The following TMEM134 variants were observed in gnomAD, a reference collection of about 807,000 sequenced individuals.
The protein encoded by TMEM134 is transmembrane protein 134.
TMEM134 carries 36 observed loss-of-function variants against 26.2 expected under a neutral mutation model. The observed-to-expected ratio is 1.37, with a 90% confidence interval of 1.05 to 1.81. TMEM134 has a LOEUF of 1.81. Ranked by LOEUF, TMEM134 falls within the 40% of genes most tolerant of loss-of-function variation. The pLI is 0.00. For synonymous variants in TMEM134, 133 were observed against 113.6 expected, an observed-to-expected ratio of 1.17 and a Z score of -1.08; for missense variants, 339 against 263.5, an observed-to-expected ratio of 1.29 and a Z score of -1.98.
At position 67,467,552 on chromosome 11, in the gene TMEM134, G is replaced by A. The variant is rs746424348; in HGVS notation, c.278C>T (p.Ser93Phe). Residue 93 changes from serine (S) to phenylalanine (F), a missense_variant, in exon 3 of 7, where the codon TCC (serine) becomes TTC (phenylalanine). Coordinates refer to ENST00000308022, the MANE Select transcript of TMEM134 (RefSeq NM_025124.4). ...SRTSIRSSQW[S>F]FSTISSSTQR... ...GGTGCTGCTGCTGATGGTGCTGAAG[G>A]ACCACTGGGAGCTGCGGATGGAAGT... 4 of 1,614,002 alleles carry A rather than the reference G, an allele frequency of 2.5e-6. No homozygotes were observed. In the Admixed American group the frequency reaches 5.0e-5, roughly 20 times the overall value.
At chr11:67,467,197 C>T in intron 4 of TMEM134, 115 bp downstream of exon 4, 1 of 962,650 alleles carries the variant, frequency 1.0e-6, no homozygotes, top group Non-Finnish European at 1.6e-6. Context: ...TGGCAGCCAG[C>T]TGCCTCCTCA....
At chr11:67,467,923 A>G (rs1311581645) in intron 2 of TMEM134, 105 bp downstream of exon 2, 7 of 1,081,696 alleles carry the variant, frequency 6.5e-6, no homozygotes, top group Non-Finnish European at 6.8e-6. Flanking sequence ...AATCAATAGG[A>G]CGGGATGGAA....
rs2134236144 is a variant in TMEM134, at chr11:67,468,700, G to T, written c.174+319C>A. Among the ~76,000 whole-genome samples, 3 of 152,306 alleles carry T rather than the reference G, an allele frequency of 2.0e-5. No individual in the cohort carries two copies. In the South Asian group the frequency reaches 6.2e-4, roughly 32 times the overall value. On this transcript the variant is annotated intron_variant, in intron 1 of 6. Coordinates refer to ENST00000308022, the MANE Select transcript of TMEM134 (RefSeq NM_025124.4). Reference sequence around the variant, plus strand: ...GGCAAGGTCTGGTTCAGATACAGAGGAGCTCCCCCAACCCAGCGGGGGCCA... The same window carrying T: ...GGCAAGGTCTGGTTCAGATACAGAGTAGCTCCCCCAACCCAGCGGGGGCCA...
rs1283054528 is a variant in TMEM134 at position 67,464,627 on chromosome 11, T to G, written c.575A>C (p.Tyr192Ser). ...GCTGCGCCGCGATCACTTCTCGAAGTAGGGCAGGTAGAAGAACTGGAAGCC... is the reference window on the plus strand; with the variant it reads ...GCTGCGCCGCGATCACTTCTCGAAGGAGGGCAGGTAGAAGAACTGGAAGCC... ...HRGFQFFYLP[Y>S]FEK is the part of the protein sequence containing the mutation. The change falls in exon 7 of 7, where the codon TAC (tyrosine) becomes TCC (serine). Residue 192 changes from tyrosine to serine, a missense_variant. Physicochemically the swap from Tyr to Ser is moderately radical, Grantham distance 144. Transcript: ENST00000308022. 7.1e-6 allele frequency: 11 copies of G among 1,552,526 alleles called. No homozygotes were observed. The highest frequency in any genetic ancestry group is 9.6e-6 in the Non-Finnish European group (11 of 1,147,396).
At chr11:67,467,727 C>T (rs1401878345) in intron 2 of TMEM134, 137 bp from the exon 3 acceptor site, 20 of 822,180 alleles carry the variant, frequency 2.4e-5, no homozygotes, top group African/African-American at 5.1e-5. Context: ...TGAGAGGCCT[C>T]GGTGGGTGAG....
At position 67,469,029 on chromosome 11, in the gene TMEM134, A is replaced by C. The variant is rs2134237270; in HGVS notation, c.164T>G (p.Leu55Arg). The C allele has an allele frequency of 6.6e-7, 1 of 1,510,110 alleles. No individual in the cohort carries two copies. Among genetic ancestry groups the C allele is most frequent in the South Asian group, 1.2e-5 (1 of 82,124 alleles). 93.5% of individuals were successfully genotyped at this position (1,510,110 alleles called of 1,614,324 possible). Residue 55 changes from leucine to arginine, a missense_variant, in exon 1 of 7, where the codon CTG (leucine) becomes CGG (arginine). Leu to Arg is a moderately radical substitution (Grantham distance 102). Transcript: ENST00000308022. ...GGCCGGGCGGTTCACCTGGTAGCGCAGCCGGGACTGCTTGTCCTCGTCAGC... is the reference window on the plus strand; with the variant it reads ...GGCCGGGCGGTTCACCTGGTAGCGCCGCCGGGACTGCTTGTCCTCGTCAGC... ...EVADEDKQSR[L>R]RYQNLENDED...
chr11:67,462,300 A>G lies in TMEM134; in HGVS notation c.*2314T>C, dbSNP rs1865041162. 1 of 148,922 alleles carries G rather than the reference A, an allele frequency of 6.7e-6. No homozygotes were observed. The highest frequency in any genetic ancestry group is 2.1e-4 in the South Asian group (1 of 4,768). 9.2% of individuals were successfully genotyped at this position (148,922 alleles called of 1,614,324 possible). A position where few individuals can be genotyped will look rare whatever the true frequency, so the allele number is the denominator to read the frequency against. On this transcript the variant is annotated 3_prime_UTR_variant, in exon 7 of 7. Coordinates refer to ENST00000308022, the MANE Select transcript of TMEM134 (RefSeq NM_025124.4). Reference sequence around the variant, plus strand: ...TCCTATGTTTGTTCTGATTATATTTATTGAAATGTAATTTTATGTCTAATT... The same window carrying G: ...TCCTATGTTTGTTCTGATTATATTTGTTGAAATGTAATTTTATGTCTAATT...
intron 1 of TMEM134, 99 bp downstream of exon 1, chr11:67,468,920 G>C: frequency 1.7e-6 from 2 of 1,208,244 alleles, no homozygotes; most frequent in Non-Finnish European, 2.1e-6. Context: ...CTTCAGCTGG[G>C]GCCTCTAGGC....
Position 67,463,110 on chromosome 11 carries a change from A to C in TMEM134, c.*1504T>G, listed in dbSNP as rs1449802333. 1 of 152,188 alleles carries C rather than the reference A, an allele frequency of 6.6e-6. No homozygotes were observed. The highest frequency in any genetic ancestry group is 6.6e-5 in the Admixed American group (1 of 15,266). 9.4% of individuals were successfully genotyped at this position (152,188 alleles called of 1,614,324 possible). ...TCCTGCATCCAATGGGTGCCCCCTA[A>C]GTGCCTTGAATGGGGGATGAGGGTG... On this transcript the variant is annotated 3_prime_UTR_variant, in exon 7 of 7. Transcript: ENST00000308022.
Position 67,465,040 on chromosome 11 carries a change from C to A in TMEM134, c.451+16G>T, listed in dbSNP as rs763483429. On this transcript the variant is annotated intron_variant, in intron 5 of 6. Transcript: ENST00000308022. ...CAGGGGTGTCCTCTGCCTGTGGGGG[C>A]GGGAGGGTCGCTCACCTGGAGAGGG... is the stretch of plus-strand genomic sequence containing the variant. 3.2e-6 allele frequency: 5 copies of A among 1,563,758 alleles called. No homozygotes were observed. The highest frequency in any genetic ancestry group is 4.3e-6 in the Non-Finnish European group (5 of 1,156,420).
intron 4 of TMEM134, chr11:67,466,354 T>C (rs769080731): frequency 2.6e-5 from 4 of 151,968 alleles, no homozygotes; most frequent in Admixed American, 2.6e-4. Context: ...CCTCAAAAAA[T>C]AAATAAATAA....
Position 67,469,151 on chromosome 11 carries a change from G to C in TMEM134, c.42C>G (p.Phe14Leu). 6.8e-7 allele frequency: 1 copy of C among 1,469,280 alleles called. No individual in the cohort carries two copies. Among genetic ancestry groups the C allele is most frequent in the Non-Finnish European group, 9.0e-7 (1 of 1,106,400 alleles). The allele number at this position is 1,469,280 out of a possible 1,614,324, so 91.0% of individuals were successfully genotyped here. The change falls in exon 1 of 7, where the codon TTC becomes TTG. Residue 14 changes from phenylalanine (F) to leucine (L), a missense_variant. Transcript: ENST00000308022. ...GGCCCCCGTCCTCCAGGGACAGCTC[G>C]AAGGCATCATCAATGCTGAACTGGG... ...ARPQFSIDDA[F>L]ELSLEDGGPG... is the part of the protein sequence containing the mutation.
intron 5 of TMEM134, 97 bp downstream of exon 5, chr11:67,464,959 G>A: frequency 6.5e-7 from 1 of 1,530,878 alleles, no homozygotes; most frequent in South Asian, 1.1e-5. Context: ...CAGCTGAAAA[G>A]GAGCCGTGTA....
chr11:67,464,887 G>T, intron 5 of TMEM134, 31 bp from the exon 6 acceptor site: 5 of 1,607,084 alleles, frequency 3.1e-6, no homozygotes, highest in Non-Finnish European at 4.2e-6. Context: ...CGGTCAGGGC[G>T]AGGGGGCGGA....
In TMEM134 at chr11:67,465,062, A is replaced by AG; in HGVS notation, c.444dup (p.Ser149LeufsTer86). The AG allele has an allele frequency of 6.3e-7, 1 of 1,581,916 alleles. No homozygotes were observed. The highest frequency in any genetic ancestry group is 8.6e-7 in the Non-Finnish European group (1 of 1,168,010). ...GGGCGGGAGGGTCGCTCACCTGGAG[A>AG]GGGGGTCGCCTCCAGTCCCACGCCG... On this transcript the variant is annotated frameshift_variant, in exon 5 of 7. Transcript: ENST00000308022. LOFTEE classifies it high-confidence loss of function.
chr11:67,462,708 TA>T lies in TMEM134; in HGVS notation c.*1905del, dbSNP rs1178028236. ...TTTTAAAATTTTTATGTTATTTATT[TA>T]TTTATTTTTTAAATAGGTCTCAGTC... On this transcript the variant is annotated 3_prime_UTR_variant, in exon 7 of 7. Coordinates refer to ENST00000308022, the MANE Select transcript of TMEM134 (RefSeq NM_025124.4). 1.4e-4 allele frequency: 21 copies of T among 151,850 alleles called. No homozygotes were observed. Among genetic ancestry groups the T allele is most frequent in the African/African-American group, 4.6e-4 (19 of 41,290 alleles). The allele number at this position is 151,850 out of a possible 1,614,324, so 9.4% of individuals were successfully genotyped here.
rs1865024864 is a variant in TMEM134 at position 67,461,810 on chromosome 11, C to A, written c.*2804G>T. Reference sequence around the variant, plus strand: ...TTTTATGTCATAAAATCTTATTATTCTTTGACTTTTCTCCAACCATTACAA... The same window carrying A: ...TTTTATGTCATAAAATCTTATTATTATTTGACTTTTCTCCAACCATTACAA... On this transcript the variant is annotated 3_prime_UTR_variant, in exon 7 of 7. Coordinates refer to ENST00000308022, the MANE Select transcript of TMEM134 (RefSeq NM_025124.4). 6.6e-6 allele frequency: 1 copy of A among 152,074 alleles called. No homozygotes were observed. Among genetic ancestry groups the A allele is most frequent in the East Asian group, 1.9e-4 (1 of 5,180 alleles). 9.4% of individuals were successfully genotyped at this position (152,074 alleles called of 1,614,324 possible). A position where few individuals can be genotyped will look rare whatever the true frequency, so the allele number is the denominator to read the frequency against.
chr11:67,469,133 G>C lies in TMEM134; in HGVS notation c.60C>G (p.Asp20Glu). ...CGCTGGACTCGGGCCCAGGGCCCCC[G>C]TCCTCCAGGGACAGCTCGAAGGCAT... ...IDDAFELSLE[D>E]GGPGPESSGV... is the part of the protein sequence containing the mutation. Residue 20 changes from aspartate (D) to glutamate (E), a missense_variant, in exon 1 of 7, where the codon GAC becomes GAG. Transcript: ENST00000308022. The C allele has an allele frequency of 6.7e-7, 1 of 1,497,460 alleles. No homozygotes were observed. Among genetic ancestry groups the C allele is most frequent in the Non-Finnish European group, 8.9e-7 (1 of 1,122,326 alleles). The allele number at this position is 1,497,460 out of a possible 1,614,324, so 92.8% of individuals were successfully genotyped here. A position where few individuals can be genotyped will look rare whatever the true frequency, so the allele number is the denominator to read the frequency against.
At chr11:67,465,149 G>A in intron 4 of TMEM134, 49 bp from the exon 5 acceptor site, 4 of 1,540,662 alleles carry the variant, frequency 2.6e-6, no homozygotes, top group Non-Finnish European at 8.7e-7. Context: ...AGTGGTGAGG[G>A]CGGGGGCTCC....
Sources: allele counts gnomAD v4.1 joint callset (sites outside exome capture counted in the v4.1 genomes callset), GRCh38; gene constraint gnomAD v4.1.1; transcripts MANE v1.5; gene names NCBI Gene and HGNC (gene_info 2026-07-23, HGNC 2026-07-21).